Variants in ITGAV observed in about 807,000 individuals in gnomAD.
The protein encoded by ITGAV is integrin subunit alpha V.
Under a neutral mutation model 143.8 loss-of-function variants are expected in ITGAV, and 76 were observed. The observed-to-expected ratio is 0.53, with a 90% CI of 0.44 to 0.64. ITGAV has a LOEUF of 0.64. Among genes scored for constraint, ITGAV ranks in the 30% least tolerant of loss-of-function variants. ITGAV has a pLI of 0.00. For synonymous variants in ITGAV, 453 were observed against 446.7 expected (o/e 1.01, Z -0.18); for missense variants, 1,193 against 1,274.7 (o/e 0.94, Z 0.98).
chr2:186,607,997 A>G (rs1687116042), intron 2 of ITGAV, among the ~76,000 whole-genome samples: 1 of 152,144 alleles, frequency 6.6e-6, no homozygotes, highest in African/African-American at 2.4e-5. Flanking sequence ...AGTTGTTGCA[A>G]AAGATATCAT....
intron 18 of ITGAV, among the ~76,000 whole-genome samples, chr2:186,661,641 G>C (rs1031320018): frequency 1.3e-5 from 2 of 149,970 alleles, no homozygotes; most frequent in African/African-American, 4.9e-5. Context: ...TCTGTTGCCA[G>C]GCTGAAGTGC....
At chr2:186,637,199 T>A (rs1206592146) in intron 8 of ITGAV, 90 bp downstream of exon 8, 8 of 1,081,860 alleles carry the variant, frequency 7.4e-6, no homozygotes, top group Non-Finnish European at 8.5e-6. Context: ...GCAGTTTGAG[T>A]GGCTGGGTGC....
intron 12 of ITGAV, among the ~76,000 whole-genome samples, chr2:186,645,897 A>G (rs979441328): frequency 6.6e-6 from 1 of 152,136 alleles, no homozygotes; most frequent in Non-Finnish European, 1.5e-5. Context: ...GTGTGAACCC[A>G]GGAGGTGGAG....
intron 2 of ITGAV, among the ~76,000 whole-genome samples, chr2:186,612,693 G>T (rs796687545): frequency 2.0e-5 from 3 of 152,034 alleles, no homozygotes; most frequent in South Asian, 2.1e-4. Flanking sequence ...TTTCCATCTC[G>T]TTGCAATTAA....
At chr2:186,662,912 C>G (rs900114138) in intron 18 of ITGAV, among the ~76,000 whole-genome samples, 1 of 152,094 alleles carries the variant, frequency 6.6e-6, no homozygotes, top group African/African-American at 2.4e-5. Flanking sequence ...CCTTTTCTCT[C>G]TTCTTTTTGT....
chr2:186,675,546 A>G (rs1052518801), intron 26 of ITGAV, 58 bp from the exon 27 acceptor site: 28 of 1,330,480 alleles, frequency 2.1e-5, no homozygotes, highest in Non-Finnish European at 3.0e-5. Flanking sequence ...CAAATTTTCA[A>G]ATGTTGAAGA....
intron 5 of ITGAV, among the ~76,000 whole-genome samples, chr2:186,631,846 G>A (rs1313211717): frequency 2.0e-5 from 3 of 152,132 alleles, no homozygotes; most frequent in Admixed American, 1.3e-4. Context: ...GAGCAACATA[G>A]TGGGACACCA....
chr2:186,653,067 T>C (rs1428673580), intron 15 of ITGAV, among the ~76,000 whole-genome samples: 3 of 149,540 alleles, frequency 2.0e-5, no homozygotes, highest in African/African-American at 2.5e-5. Context: ...TGCCTCAGCC[T>C]CCCGAGTAGC....
At chr2:186,671,059 C>T (rs774869311) in intron 26 of ITGAV, among the ~76,000 whole-genome samples, 1 of 152,186 alleles carries the variant, frequency 6.6e-6, no homozygotes, top group Non-Finnish European at 1.5e-5. Flanking sequence ...CTGGCCCCTT[C>T]TCACCAGTTT....
At chr2:186,667,304 T>C (rs1574501445) in intron 23 of ITGAV, 74 bp downstream of exon 23, 2 of 1,108,848 alleles carry the variant, frequency 1.8e-6, no homozygotes, top group East Asian at 4.8e-5. Context: ...GCCTTAGCCT[T>C]TTCTGGACAA....
chr2:186,591,035 A>T (rs1235806849), intron 1 of ITGAV, among the ~76,000 whole-genome samples: 1 of 152,152 alleles, frequency 6.6e-6, no homozygotes, highest in Non-Finnish European at 1.5e-5. Flanking sequence ...CCTTTTGCAG[A>T]CATTCTGATG....
chr2:186,616,016 A>G (rs1400324361), intron 2 of ITGAV, among the ~76,000 whole-genome samples: 3 of 151,920 alleles, frequency 2.0e-5, no homozygotes, highest in Admixed American at 6.6e-5. Flanking sequence ...TTTTTTGCAT[A>G]TGGGTATCTA....
chr2:186,617,892 G>A (rs970796048), intron 2 of ITGAV, among the ~76,000 whole-genome samples: 7 of 152,184 alleles, frequency 4.6e-5, no homozygotes, highest in African/African-American at 7.2e-5. Context: ...CAGCCCTTGA[G>A]TTTCTGCAGT....
chr2:186,635,957 G>A, intron 6 of ITGAV, 125 bp from the exon 7 acceptor site: 1 of 707,304 alleles, frequency 1.4e-6, no homozygotes. Flanking sequence ...GGAGAGTTAT[G>A]TACGGCTAAT....
chr2:186,670,028 G>T, intron 26 of ITGAV: 1 of 490,854 alleles, frequency 2.0e-6, no homozygotes, highest in East Asian at 3.9e-5. Context: ...AATAAAACTA[G>T]TTTATGTCCC....
chr2:186,659,239 A>T, intron 18 of ITGAV, 64 bp downstream of exon 18: 1 of 1,155,320 alleles, frequency 8.7e-7, no homozygotes, highest in African/African-American at 1.6e-5. Context: ...TCATATTTTT[A>T]AATATTAGAG....
In ITGAV at chr2:186,619,043, GTGTGTATATGTATGTA is replaced by G. The variant is rs1207607575; in HGVS notation, c.317-3286_317-3271del. Among the ~76,000 whole-genome samples, 1,491 of 150,936 alleles carry G rather than the reference GTGTGTATATGTATGTA, an allele frequency of 9.9e-3. 24 individuals are homozygous for G. Among genetic ancestry groups the G allele is most frequent in the African/African-American group, 0.034 (1,408 of 41,056 alleles). On this transcript the variant is annotated intron_variant, in intron 2 of 29. Coordinates refer to ENST00000261023, the MANE Select transcript of ITGAV (RefSeq NM_002210.5). ...GATGAATGGATAAAGAAAACATGGT[GTGTGTATATGTATGTA>G]TGTGTATATATATATATGTACATGC...
chr2:186,625,033 T>C (rs1005691560), intron 3 of ITGAV, among the ~76,000 whole-genome samples: 21 of 152,158 alleles, frequency 1.4e-4, no homozygotes, highest in Admixed American at 1.4e-3. Context: ...TTTACCACTA[T>C]GATAAGAAAT....
chr2:186,639,586 A>G lies in ITGAV; in HGVS notation c.903+1121A>G, dbSNP rs61765178. Among the ~76,000 whole-genome samples, 272 of 152,136 alleles carry G rather than the reference A, an allele frequency of 1.8e-3. 15 individuals are homozygous for G. Among genetic ancestry groups the G allele is most frequent in the Non-Finnish European group, 1.8e-3 (123 of 67,986 alleles). On this transcript the variant is annotated intron_variant, in intron 10 of 29. Coordinates refer to ENST00000261023, the MANE Select transcript of ITGAV (RefSeq NM_002210.5). ...TGATACTTGCTTTATTCCTCCTTCCACTATTGGGAAGTGGGGGTGGCTAGA... is the reference window on the plus strand; with the variant it reads ...TGATACTTGCTTTATTCCTCCTTCCGCTATTGGGAAGTGGGGGTGGCTAGA...
Sources: gnomAD v4.1 joint callset for allele counts (sites outside exome capture counted in the v4.1 genomes callset) on GRCh38, gnomAD v4.1.1 for gene constraint, MANE v1.5 for transcripts, NCBI Gene and HGNC (gene_info 2026-07-23, HGNC 2026-07-21) for gene names.